The following ANKRD6 variants were observed in gnomAD, a reference collection of about 807,000 sequenced individuals.
ANKRD6 encodes the protein ankyrin repeat domain-containing protein 6.
In ANKRD6, 56 loss-of-function variants were observed where a neutral mutation model predicts 82.3. That is an observed-to-expected ratio of 0.68 (90% CI 0.55 to 0.85). The LOEUF (loss-of-function observed/expected upper bound fraction) is 0.85. Ranked by LOEUF, ANKRD6 falls within the 40% of genes least tolerant of loss-of-function variation. The pLI, the probability that ANKRD6 is intolerant of heterozygous loss-of-function variation, is 0.00. For synonymous variants in ANKRD6, 347 were observed against 352.1 expected (o/e 0.99, Z 0.16); for missense variants, 852 against 907.6 (o/e 0.94, Z 0.79).
At chr6:89,499,119 G>C (rs565231323) in intron 1 of ANKRD6, among the ~76,000 whole-genome samples, 5 of 152,214 alleles carry the variant, frequency 3.3e-5, no homozygotes, top group Admixed American at 6.5e-5. Context: ...GGTAGAAAAA[G>C]ACTTTGCCTT....
At chr6:89,538,485 A>G (rs1583163322) in intron 1 of ANKRD6, among the ~76,000 whole-genome samples, 1 of 152,232 alleles carries the variant, frequency 6.6e-6, no homozygotes, top group East Asian at 1.9e-4. Context: ...AAAGCATTCT[A>G]GAGTACAGAG....
chr6:89,624,773 C>T (rs776501455), intron 13 of ANKRD6, 82 bp downstream of exon 13: 77 of 1,480,820 alleles, frequency 5.2e-5, no homozygotes, highest in Admixed American at 2.4e-4. Context: ...CTTTAGCACA[C>T]CCTTCCACCC....
chr6:89,451,124 A>C (rs1312647208), intron 1 of ANKRD6, among the ~76,000 whole-genome samples: 2 of 152,166 alleles, frequency 1.3e-5, no homozygotes, highest in Non-Finnish European at 2.9e-5. Flanking sequence ...CCTGGGCAAC[A>C]TGGTGAAACC....
chr6:89,566,755 T>G, intron 1 of ANKRD6, 79 bp from the exon 2 acceptor site: 2 of 517,870 alleles, frequency 3.9e-6, no homozygotes, highest in Non-Finnish European at 6.8e-6. Context: ...GCAGAATGCC[T>G]TAAAATCACA....
chr6:89,550,785 G>A (rs1192114748), intron 1 of ANKRD6, among the ~76,000 whole-genome samples: 1 of 151,994 alleles, frequency 6.6e-6, no homozygotes, highest in Non-Finnish European at 1.5e-5. Context: ...GTGAAACCCT[G>A]TCTCTACTAA....
intron 2 of ANKRD6, among the ~76,000 whole-genome samples, chr6:89,582,154 A>G (rs1792684502): frequency 6.6e-6 from 1 of 152,256 alleles, no homozygotes; most frequent in African/African-American, 2.4e-5. Context: ...AGAGGAAACC[A>G]GTAAGATGAT....
chr6:89,512,701 T>C (rs982530446), intron 1 of ANKRD6, among the ~76,000 whole-genome samples: 1 of 152,220 alleles, frequency 6.6e-6, no homozygotes, highest in African/African-American at 2.4e-5. Context: ...GTGTCAGAAA[T>C]GCCAATAAGC....
Position 89,630,932 on chromosome 6 carries a change from A to G in ANKRD6, c.2112A>G (p.Thr704=), listed in dbSNP as rs1360875448. The G allele has an allele frequency of 6.2e-7, 1 of 1,608,254 alleles. No individual in the cohort carries two copies. Residue 704 remains threonine (T), a synonymous_variant, in exon 16 of 16, where the codon ACA becomes ACG. Transcript: ENST00000339746. ...AGAAAGCCCAGCAAGATAAGGCTAC[A>G]TTGAAGGAACACATTAAAAGTTTAG... The part of the protein sequence containing the change: ...ANQKAQQDKA[T]LKEHIKSLEE...
At chr6:89,441,303 A>T (rs1219385845) in intron 1 of ANKRD6, among the ~76,000 whole-genome samples, 3 of 152,088 alleles carry the variant, frequency 2.0e-5, no homozygotes, top group Non-Finnish European at 4.4e-5. Context: ...GGCACCCGCC[A>T]CCATGCCTGG....
chr6:89,537,780 C>A (rs983928008), intron 1 of ANKRD6, among the ~76,000 whole-genome samples: 24 of 148,050 alleles, frequency 1.6e-4, no homozygotes, highest in Non-Finnish European at 3.1e-4. Context: ...CCTGCAGTCC[C>A]AGCTACTCAT....
At chr6:89,464,369 C>G (rs1774573750) in intron 1 of ANKRD6, among the ~76,000 whole-genome samples, 1 of 152,174 alleles carries the variant, frequency 6.6e-6, no homozygotes, top group Non-Finnish European at 1.5e-5. Context: ...ATATTTTTCC[C>G]TCTAGGATAC....
At chr6:89,615,790 T>C (rs1338452316) in intron 7 of ANKRD6, among the ~76,000 whole-genome samples, 1 of 152,192 alleles carries the variant, frequency 6.6e-6, no homozygotes, top group East Asian at 1.9e-4. Flanking sequence ...ATTTGTCTGG[T>C]TTATTTATAT....
chr6:89,619,337 A>C (rs1199826257), intron 9 of ANKRD6, among the ~76,000 whole-genome samples: 1 of 152,200 alleles, frequency 6.6e-6, no homozygotes, highest in Non-Finnish European at 1.5e-5. Flanking sequence ...AGAACCCATC[A>C]CATTTCTCTG....
rs367712968 is a variant in ANKRD6 at position 89,618,024 on chromosome 6, C to G, written c.785C>G (p.Ala262Gly). The change falls in exon 9 of 16, where the codon GCT (alanine) becomes GGT (glycine). Residue 262 changes from alanine (A) to glycine (G), a missense_variant. By Grantham distance (60) the Ala-to-Gly change is moderately conservative. Transcript: ENST00000339746. ...GAAGTTGCTCTTCTCCTTACTAAAG[C>G]TCCCCAGGTAGGATTTACTGCCCTT... ...NPEVALLLTK[A>G]PQVLRFSRGR... is the part of the protein sequence containing the mutation. 5.4e-5 allele frequency: 87 copies of G among 1,613,946 alleles called. No homozygotes were observed. The highest frequency in any genetic ancestry group is 1.6e-4 in the Middle Eastern group (1 of 6,084).
At chr6:89,496,057 C>T (rs1582917186) in intron 1 of ANKRD6, among the ~76,000 whole-genome samples, 1 of 152,148 alleles carries the variant, frequency 6.6e-6, no homozygotes, top group South Asian at 2.1e-4. Flanking sequence ...TGGCCACCTT[C>T]AGTCTTTAGG....
chr6:89,538,984 A>G (rs1421309402), intron 1 of ANKRD6, among the ~76,000 whole-genome samples: 1 of 152,176 alleles, frequency 6.6e-6, no homozygotes, highest in Non-Finnish European at 1.5e-5. Flanking sequence ...CAATGTCTAC[A>G]TGTGATTATA....
In ANKRD6 at chr6:89,630,819, C is replaced by T. The variant is rs762901367; in HGVS notation, c.1999C>T (p.Leu667Phe). ...TCGGGACACCTCCCAAGCTCTGGAG[C>T]TTACCCAGTATTTTTTTGAGGCTGT... ...HIRDTSQALE[L>F]TQYFFEAVST... is the part of the protein sequence containing the mutation. The change falls in exon 16 of 16, where the codon CTT becomes TTT. Residue 667 changes from leucine to phenylalanine, a missense_variant. Physicochemically the swap from Leu to Phe is conservative, Grantham distance 22. Transcript: ENST00000339746. The T allele has an allele frequency of 3.1e-6, 5 of 1,613,922 alleles. No individual in the cohort carries two copies. In the Admixed American group the frequency reaches 8.3e-5, roughly 27 times the overall value.
intron 1 of ANKRD6, among the ~76,000 whole-genome samples, chr6:89,522,954 C>G (rs371407908): frequency 6.6e-6 from 1 of 152,054 alleles, no homozygotes; most frequent in East Asian, 1.9e-4. Context: ...ATGTCAGGTG[C>G]GGGGACTGGG....
chr6:89,571,831 T>C (rs1562870806), intron 2 of ANKRD6, among the ~76,000 whole-genome samples: 1 of 152,242 alleles, frequency 6.6e-6, no homozygotes, highest in Non-Finnish European at 1.5e-5. Context: ...TCTATGGATT[T>C]GGAAAAATGT....
Sources: gnomAD v4.1 joint callset for allele counts (sites outside exome capture counted in the v4.1 genomes callset) on GRCh38, gnomAD v4.1.1 for gene constraint, MANE v1.5 for transcripts, NCBI Gene and HGNC (gene_info 2026-07-23, HGNC 2026-07-21) for gene names.